Variants in CBLN2 observed in about 807,000 individuals in gnomAD.
CBLN2 encodes the protein cerebellin-2.
CBLN2 carries 7 observed loss-of-function variants against 15.0 expected under a neutral mutation model. The ratio of observed to expected loss-of-function variants is 0.47; its 90% CI spans 0.27 to 0.88. CBLN2 has a LOEUF of 0.88. CBLN2 is among the 40% of genes least tolerant of loss of function. CBLN2 has a pLI of 0.14. For synonymous variants in CBLN2, 149 were observed against 135.2 expected (o/e 1.10, Z -0.71); for missense variants, 242 against 304.5 (o/e 0.79, Z 1.53).
intron 1 of CBLN2, among the ~76,000 whole-genome samples, chr18:72,587,577 A>G (rs1406239256): frequency 6.6e-6 from 1 of 152,164 alleles, no homozygotes; most frequent in Non-Finnish European, 1.5e-5. Flanking sequence ...TGTTGTTTAT[A>G]TTTTGAAAAT....
intron 1 of CBLN2, among the ~76,000 whole-genome samples, chr18:72,600,506 A>T (rs2069540963): frequency 6.6e-6 from 1 of 152,178 alleles, no homozygotes; most frequent in Non-Finnish European, 1.5e-5. Context: ...CACAAATAAA[A>T]TATTTCCTTT....
intron 1 of CBLN2, among the ~76,000 whole-genome samples, chr18:72,603,103 C>T (rs1293634990): frequency 3.3e-5 from 5 of 152,250 alleles, no homozygotes; most frequent in Non-Finnish European, 7.3e-5. Flanking sequence ...TATGCCATGC[C>T]GCAAGGCAAA....
intron 1 of CBLN2, among the ~76,000 whole-genome samples, chr18:72,627,892 A>G (rs2069750913): frequency 6.6e-6 from 1 of 152,252 alleles, no homozygotes; most frequent in Non-Finnish European, 1.5e-5. Flanking sequence ...AATTTAAAAA[A>G]TTATGTTTCT....
chr18:72,598,972 G>A (rs528521795), intron 1 of CBLN2, among the ~76,000 whole-genome samples: 5 of 152,240 alleles, frequency 3.3e-5, no homozygotes, highest in East Asian at 3.9e-4. Flanking sequence ...CTTTCCTACC[G>A]TCTTTAGTGC....
intron 1 of CBLN2, among the ~76,000 whole-genome samples, chr18:72,607,590 A>T (rs147315496): frequency 6.6e-6 from 1 of 152,250 alleles, no homozygotes; most frequent in East Asian, 1.9e-4. Flanking sequence ...TGCTATGCTA[A>T]TTACACTTTA....
At chr18:72,633,609 A>G (rs573108689) in intron 1 of CBLN2, among the ~76,000 whole-genome samples, 2 of 152,310 alleles carry the variant, frequency 1.3e-5, no homozygotes, top group African/African-American at 4.8e-5. Context: ...ACATTCTGCT[A>G]TAATAAACTA....
chr18:72,601,815 C>G (rs1298822610), intron 1 of CBLN2, among the ~76,000 whole-genome samples: 1 of 152,186 alleles, frequency 6.6e-6, no homozygotes, highest in Non-Finnish European at 1.5e-5. Context: ...GGTGCTCCCC[C>G]TCCACAGACT....
Position 72,554,167 on chromosome 18 carries a change from C to G in CBLN2, c.16-15395G>C, listed in dbSNP as rs908605958. Among the ~76,000 whole-genome samples the G allele has an allele frequency of 2.0e-5, 3 of 151,904 alleles. No homozygotes were observed. In the South Asian group the frequency reaches 6.2e-4, roughly 32 times the overall value. On this transcript the variant is annotated intron_variant, in intron 1 of 2. Transcript: ENST00000581073. The stretch of plus-strand genomic sequence containing the variant: ...AAAATTATAAGATTATTCTTATTTG[C>G]TGTTTTCATTACCCTTTTTTTTTGT...
chr18:72,622,898 A>G (rs886324151), intron 1 of CBLN2, among the ~76,000 whole-genome samples: 2 of 152,190 alleles, frequency 1.3e-5, no homozygotes, highest in Non-Finnish European at 2.9e-5. Context: ...ATGGATATGT[A>G]CACTCTATTT....
intron 1 of CBLN2, among the ~76,000 whole-genome samples, chr18:72,597,832 C>T (rs2069523192): frequency 6.6e-6 from 1 of 152,204 alleles, no homozygotes; most frequent in Non-Finnish European, 1.5e-5. Flanking sequence ...CTGCCCAGGC[C>T]CACAGCAAGT....
intron 1 of CBLN2, among the ~76,000 whole-genome samples, chr18:72,604,054 A>G (rs1308725955): frequency 1.3e-5 from 2 of 152,176 alleles, no homozygotes; most frequent in Non-Finnish European, 2.9e-5. Flanking sequence ...GGCATCCCTG[A>G]GGGTGGGGTC....
chr18:72,585,995 G>C (rs908673213), intron 1 of CBLN2, among the ~76,000 whole-genome samples: 5 of 152,220 alleles, frequency 3.3e-5, no homozygotes, highest in African/African-American at 9.6e-5. Flanking sequence ...AGTTGCCTGT[G>C]GGGGCAGGAG....
At chr18:72,613,424 T>C (rs1050904821) in intron 1 of CBLN2, among the ~76,000 whole-genome samples, 1 of 152,222 alleles carries the variant, frequency 6.6e-6, no homozygotes, top group Non-Finnish European at 1.5e-5. Context: ...ATCTGGCACA[T>C]AGCTAGCATT....
chr18:72,600,550 C>T (rs2069541225), intron 1 of CBLN2, among the ~76,000 whole-genome samples: 1 of 151,960 alleles, frequency 6.6e-6, no homozygotes, highest in Non-Finnish European at 1.5e-5. Context: ...CTGGAGAAGT[C>T]GTGGAGATAA....
At chr18:72,557,922 T>C (rs974791230) in intron 1 of CBLN2, among the ~76,000 whole-genome samples, 15 of 152,132 alleles carry the variant, frequency 9.9e-5, no homozygotes, top group South Asian at 6.2e-4. Context: ...AATAAAAATA[T>C]GTTTTTTAAA....
At chr18:72,605,145 A>G (rs145440735) in intron 1 of CBLN2, among the ~76,000 whole-genome samples, 1 of 152,142 alleles carries the variant, frequency 6.6e-6, no homozygotes, top group African/African-American at 2.4e-5. Flanking sequence ...AAATTTTCCA[A>G]TTGAATTGAA....
intron 1 of CBLN2, among the ~76,000 whole-genome samples, chr18:72,567,677 C>A (rs1237537161): frequency 6.6e-6 from 1 of 152,140 alleles, no homozygotes; most frequent in African/African-American, 2.4e-5. Context: ...CTCATCTTCC[C>A]TCTTTCCTTT....
At chr18:72,595,246 C>T (rs1189295930) in intron 1 of CBLN2, among the ~76,000 whole-genome samples, 1 of 151,840 alleles carries the variant, frequency 6.6e-6, no homozygotes, top group Admixed American at 6.6e-5. Context: ...TCATTTATTC[C>T]AAGAAATTTT....
rs1272029456 is a variant in CBLN2 at position 72,542,061 on chromosome 18, C to T, written c.100G>A (p.Val34Met). ...EPGGCGSCLGVALALLLLLLP... is the reference protein window; with the variant it reads ...EPGGCGSCLGMALALLLLLLP... The stretch of plus-strand genomic sequence containing the variant: ...AGCAGCAACAGCAGGGCCAGCGCCA[C>T]CCCCAGGCAGGATCCGCAGCCGCCC... The change falls in exon 3 of 5, where the codon GTG becomes ATG. Residue 34 changes from valine (V) to methionine (M), a missense_variant. Coordinates refer to ENST00000269503, the MANE Select transcript of CBLN2 (RefSeq NM_182511.4). 4 of 1,568,812 alleles carry T rather than the reference C, an allele frequency of 2.5e-6. No homozygotes were observed. The highest frequency in any genetic ancestry group is 1.7e-6 in the Non-Finnish European group (2 of 1,167,940).
Sources: gnomAD v4.1 joint callset for allele counts (sites outside exome capture counted in the v4.1 genomes callset) on GRCh38, gnomAD v4.1.1 for gene constraint, MANE v1.5 for transcripts, NCBI Gene and HGNC (gene_info 2026-07-23, HGNC 2026-07-21) for gene names.